Variants in CACNA2D3 observed in about 807,000 individuals in gnomAD.
CACNA2D3 encodes voltage-dependent calcium channel subunit alpha-2/delta-3.
A neutral mutation model predicts 160.6 loss-of-function variants in CACNA2D3; 60 were observed. The ratio of observed to expected loss-of-function variants is 0.37; its 90% confidence interval spans 0.30 to 0.46. The LOEUF (loss-of-function observed/expected upper bound fraction) is 0.46. CACNA2D3 is among the 20% of genes least tolerant of loss of function. The pLI is 1.00. For missense variants in CACNA2D3, 1,205 were observed against 1,365.0 expected (o/e 0.88, Z 1.85); for synonymous variants, 558 against 492.9 (o/e 1.13, Z -1.75).
In CACNA2D3 at chr3:54,300,153, G is replaced by T. The variant is rs531275550; in HGVS notation, c.205-20289G>T. ...TTTCTTTTAATAAGGACTTCTATTA[G>T]ATATTTGTTTAACTTTTTAGCTTCC... On this transcript the variant is annotated intron_variant, in intron 2 of 37. Coordinates refer to ENST00000474759, the MANE Select transcript of CACNA2D3 (RefSeq NM_018398.3). Among the ~76,000 whole-genome samples the T allele has an allele frequency of 3.1e-3, 478 of 152,312 alleles. 10 individuals carry two copies. The highest frequency in any genetic ancestry group is 3.1e-3 in the East Asian group (16 of 5,192).
intron 11 of CACNA2D3, among the ~76,000 whole-genome samples, chr3:54,746,292 G>A (rs755594928): frequency 6.6e-6 from 1 of 152,162 alleles, no homozygotes; most frequent in Non-Finnish European, 1.5e-5. Flanking sequence ...ATAGAAATGA[G>A]CAAATAACAA....
At chr3:54,931,653 C>A (rs1450726992) in intron 27 of CACNA2D3, among the ~76,000 whole-genome samples, 1 of 152,150 alleles carries the variant, frequency 6.6e-6, no homozygotes, top group Admixed American at 6.5e-5. Flanking sequence ...TGCAGATGCA[C>A]CCGTAGAGTA....
chr3:54,503,461 A>G (rs1269983111), intron 4 of CACNA2D3, 31 bp from the exon 5 acceptor site: 1 of 1,610,182 alleles, frequency 6.2e-7, no homozygotes, highest in South Asian at 1.1e-5. Flanking sequence ...TCCCTAAGCC[A>G]CATGTAATGT....
At chr3:54,996,261 C>A (rs1575427470) in intron 31 of CACNA2D3, among the ~76,000 whole-genome samples, 1 of 152,356 alleles carries the variant, frequency 6.6e-6, no homozygotes, top group East Asian at 1.9e-4. Flanking sequence ...TGCATTAACT[C>A]ATTCCCAAAG....
chr3:54,783,161 G>A (rs895925403), intron 13 of CACNA2D3, among the ~76,000 whole-genome samples: 3 of 152,110 alleles, frequency 2.0e-5, no homozygotes, highest in Non-Finnish European at 4.4e-5. Flanking sequence ...CTGCATACGT[G>A]TGTGTCCTCT....
At chr3:54,649,268 A>G (rs1699714080) in intron 11 of CACNA2D3, among the ~76,000 whole-genome samples, 1 of 152,146 alleles carries the variant, frequency 6.6e-6, no homozygotes, top group Non-Finnish European at 1.5e-5. Flanking sequence ...TTGGCCTGGA[A>G]TGTTGAAATG....
intron 4 of CACNA2D3, among the ~76,000 whole-genome samples, chr3:54,397,566 C>T (rs1241935123): frequency 1.4e-5 from 2 of 143,192 alleles, no homozygotes; most frequent in Admixed American, 7.1e-5. Context: ...GTCTTCATTT[C>T]GTTATGTACC....
At chr3:54,254,628 TTAAATGC>T (rs769341101) in intron 2 of CACNA2D3, among the ~76,000 whole-genome samples, 10 of 152,184 alleles carry the variant, frequency 6.6e-5, no homozygotes, top group Non-Finnish European at 1.3e-4. Flanking sequence ...CTTCAGAGGA[TTAAATGC>T]TAAATGCTAA....
At chr3:54,678,920 G>A (rs1182531670) in intron 11 of CACNA2D3, among the ~76,000 whole-genome samples, 1 of 152,072 alleles carries the variant, frequency 6.6e-6, no homozygotes, top group Admixed American at 6.6e-5. Flanking sequence ...GGAATCCCAA[G>A]GAATTTTGTT....
intron 4 of CACNA2D3, among the ~76,000 whole-genome samples, chr3:54,501,156 C>A (rs1701288417): frequency 1.3e-5 from 2 of 152,160 alleles, no homozygotes; most frequent in African/African-American, 4.8e-5. Context: ...GCCTATTCAT[C>A]TCTTAATGAC....
intron 4 of CACNA2D3, among the ~76,000 whole-genome samples, chr3:54,427,650 A>T (rs1359526499): frequency 1.3e-5 from 2 of 152,216 alleles, no homozygotes; most frequent in African/African-American, 2.4e-5. Flanking sequence ...CACATGAGCC[A>T]TGCTCCCTGC....
rs192352267 is a variant in CACNA2D3 at position 54,347,621 on chromosome 3, G to C, written c.321+27063G>C. ...ACAGAGAAAAGAATGAGATTGTGCT[G>C]TGTCAGGACCAAAATAACTTATGTT... On this transcript the variant is annotated intron_variant, in intron 3 of 37. Transcript: ENST00000474759. Among the ~76,000 whole-genome samples, 393 of 151,888 alleles carry C rather than the reference G, an allele frequency of 2.6e-3. 3 individuals carry two copies. The highest frequency in any genetic ancestry group is 8.9e-3 in the African/African-American group (370 of 41,414).
intron 31 of CACNA2D3, among the ~76,000 whole-genome samples, chr3:54,992,804 A>T (rs1201174768): frequency 6.6e-6 from 1 of 151,224 alleles, no homozygotes; most frequent in Non-Finnish European, 1.5e-5. Context: ...AGAAAAAAGC[A>T]GTACCTGAGA....
At chr3:54,540,692 C>T (rs1055245582) in intron 5 of CACNA2D3, among the ~76,000 whole-genome samples, 7 of 151,900 alleles carry the variant, frequency 4.6e-5, no homozygotes, top group Admixed American at 4.6e-4. Context: ...AGAGAGGAAG[C>T]GAGCTCTCTT....
At chr3:55,064,130 C>T (rs1456124818) in intron 35 of CACNA2D3, among the ~76,000 whole-genome samples, 1 of 152,212 alleles carries the variant, frequency 6.6e-6, no homozygotes, top group Non-Finnish European at 1.5e-5. Flanking sequence ...CAGGGCTTCT[C>T]CCTCCCACTA....
At chr3:54,244,158 G>A (rs954113093) in intron 2 of CACNA2D3, among the ~76,000 whole-genome samples, 2 of 152,144 alleles carry the variant, frequency 1.3e-5, no homozygotes, top group Admixed American at 6.5e-5. Flanking sequence ...TGGAGTGAGC[G>A]CCCAGCCTTG....
At chr3:54,518,755 A>T (rs978150310) in intron 5 of CACNA2D3, among the ~76,000 whole-genome samples, 6 of 88,328 alleles carry the variant, frequency 6.8e-5, no homozygotes, top group Non-Finnish European at 1.3e-4. Flanking sequence ...GACATTTTTC[A>T]ACCATTTTTC....
In CACNA2D3 at chr3:54,789,005, A is replaced by G. The variant is rs545646660; in HGVS notation, c.1380+24654A>G. Reference sequence around the variant, plus strand: ...TTCATGCATTGTTGATTGAGCGGCCAAAAATAATGATAAAAATTACAGCTG... The same window carrying G: ...TTCATGCATTGTTGATTGAGCGGCCGAAAATAATGATAAAAATTACAGCTG... On this transcript the variant is annotated intron_variant, in intron 13 of 37. Transcript: ENST00000474759. Among the ~76,000 whole-genome samples, 41 of 152,342 alleles carry G rather than the reference A, an allele frequency of 2.7e-4. No homozygotes were observed. The East Asian group carries it at 6.6e-3, about 24-fold the overall frequency.
intron 11 of CACNA2D3, among the ~76,000 whole-genome samples, chr3:54,662,978 C>T (rs1229315564): frequency 1.3e-5 from 2 of 152,158 alleles, no homozygotes; most frequent in African/African-American, 4.8e-5. Flanking sequence ...AGTTTTGTGA[C>T]AGGAACCAAA....
Sources: allele counts gnomAD v4.1 joint callset (sites outside exome capture counted in the v4.1 genomes callset), GRCh38; gene constraint gnomAD v4.1.1; transcripts MANE v1.5; gene names NCBI Gene and HGNC (gene_info 2026-07-23, HGNC 2026-07-21).